EYA4: variants seen among roughly 807,000 people sequenced by gnomAD.
The protein encoded by EYA4 is EYA transcriptional coactivator and phosphatase 4.
Under a neutral mutation model 87.9 loss-of-function variants are expected in EYA4, and 31 were observed. The observed-to-expected ratio is 0.35, with a 90% CI of 0.27 to 0.48. The LOEUF is 0.48. EYA4 is among the 20% of genes least tolerant of loss of function. EYA4 has a pLI of 0.99. For missense variants in EYA4, 678 were observed against 761.4 expected (o/e 0.89, Z 1.29); for synonymous variants, 263 against 270.6 (o/e 0.97, Z 0.28).
intron 2 of EYA4, among the ~76,000 whole-genome samples, chr6:133,335,495 G>C (rs1475780143): frequency 6.6e-6 from 1 of 152,190 alleles, no homozygotes; most frequent in Admixed American, 6.5e-5. Context: ...CATGTTGCTT[G>C]CAATCAAGTT....
At chr6:133,478,329 C>T (rs1169721269) in intron 11 of EYA4, among the ~76,000 whole-genome samples, 1 of 152,064 alleles carries the variant, frequency 6.6e-6, no homozygotes, top group African/African-American at 2.4e-5. Context: ...GAATTAAGAG[C>T]TTGTATCCAC....
At chr6:133,244,207 T>A (rs1195506898) in intron 1 of EYA4, among the ~76,000 whole-genome samples, 4 of 152,206 alleles carry the variant, frequency 2.6e-5, no homozygotes, top group Non-Finnish European at 5.9e-5. Context: ...CTGAAAATAG[T>A]ATGTTTCAAT....
intron 2 of EYA4, among the ~76,000 whole-genome samples, chr6:133,307,287 A>G (rs1032744839): frequency 1.3e-5 from 2 of 152,240 alleles, no homozygotes; most frequent in African/African-American, 4.8e-5. Flanking sequence ...GAACTAAATC[A>G]GTGAAGTTAA....
chr6:133,510,538 G>T, intron 14 of EYA4: 2 of 254,328 alleles, frequency 7.9e-6, no homozygotes, highest in Admixed American at 8.8e-5. Context: ...TTTCCTTAAA[G>T]CCCAGTCCAG....
chr6:133,343,834 A>G (rs1487958431), intron 2 of EYA4, among the ~76,000 whole-genome samples: 10 of 152,100 alleles, frequency 6.6e-5, no homozygotes. Flanking sequence ...GTAAAAGTCC[A>G]CATAAGTGTT....
At chr6:133,273,170 C>T (rs892995946) in intron 1 of EYA4, among the ~76,000 whole-genome samples, 1 of 150,760 alleles carries the variant, frequency 6.6e-6, no homozygotes, top group Non-Finnish European at 1.5e-5. Flanking sequence ...TCACAATAGG[C>T]TGCTTGCAAG....
chr6:133,390,815 G>T (rs776138826), intron 3 of EYA4, among the ~76,000 whole-genome samples: 11 of 152,160 alleles, frequency 7.2e-5, no homozygotes, highest in South Asian at 2.1e-4. Context: ...TCATTAGAGG[G>T]ATAGAGGAGA....
intron 13 of EYA4, 122 bp downstream of exon 13, chr6:133,483,237 T>C: frequency 1.4e-6 from 1 of 712,768 alleles, no homozygotes; most frequent in Non-Finnish European, 2.4e-6. Context: ...AAATCTTCTC[T>C]TAATTATCTA....
intron 1 of EYA4, among the ~76,000 whole-genome samples, chr6:133,249,740 G>A (rs1774733290): frequency 6.6e-6 from 1 of 152,090 alleles, no homozygotes; most frequent in Non-Finnish European, 1.5e-5. Context: ...AATACTTAAG[G>A]TGCAAAATGT....
At chr6:133,288,090 C>G (rs542476931) in intron 2 of EYA4, among the ~76,000 whole-genome samples, 6 of 152,254 alleles carry the variant, frequency 3.9e-5, no homozygotes, top group African/African-American at 1.4e-4. Context: ...GATCATGCCA[C>G]TGCACTGCAC....
At chr6:133,458,608 A>G (rs1185337095) in intron 6 of EYA4, among the ~76,000 whole-genome samples, 2 of 152,148 alleles carry the variant, frequency 1.3e-5, no homozygotes, top group South Asian at 2.1e-4. Context: ...CATCTATCCC[A>G]GAATGCCAGC....
At chr6:133,254,856 A>T (rs1775212795) in intron 1 of EYA4, among the ~76,000 whole-genome samples, 1 of 152,196 alleles carries the variant, frequency 6.6e-6, no homozygotes, top group South Asian at 2.1e-4. Flanking sequence ...AGAAAAAGAG[A>T]ACTTCATGCT....
At chr6:133,319,777 T>C (rs1780928151) in intron 2 of EYA4, among the ~76,000 whole-genome samples, 2 of 151,460 alleles carry the variant, frequency 1.3e-5, no homozygotes, top group East Asian at 3.9e-4. Flanking sequence ...AGCACAGTGG[T>C]ACAATCAGAG....
chr6:133,445,048 A>G (rs756884330), intron 3 of EYA4, among the ~76,000 whole-genome samples: 16 of 152,026 alleles, frequency 1.1e-4, no homozygotes, highest in East Asian at 7.7e-4. Flanking sequence ...CTTGGGGTTA[A>G]TTGAATTCTT....
intron 18 of EYA4, chr6:133,524,925 G>A (rs938766543): frequency 9.4e-7 from 1 of 1,067,944 alleles, no homozygotes; most frequent in East Asian, 2.4e-5. Context: ...CAGTTCAAGT[G>A]ATGTTCAAGA....
chr6:133,311,975 A>G (rs1339923579), intron 2 of EYA4, among the ~76,000 whole-genome samples: 3 of 152,352 alleles, frequency 2.0e-5, no homozygotes, highest in South Asian at 4.1e-4. Flanking sequence ...TGTTAAAAGT[A>G]CAACACTGAT....
At chr6:133,505,228 A>G (rs1408629979) in intron 13 of EYA4, among the ~76,000 whole-genome samples, 2 of 152,044 alleles carry the variant, frequency 1.3e-5, no homozygotes, top group South Asian at 4.1e-4. Flanking sequence ...TCCCATCCCT[A>G]TCCCCAAATG....
At chr6:133,341,123 GAGA>G (rs1251997112) in intron 2 of EYA4, among the ~76,000 whole-genome samples, 1 of 152,188 alleles carries the variant, frequency 6.6e-6, no homozygotes, top group Non-Finnish European at 1.5e-5. Context: ...TGCATTTTAA[GAGA>G]AGATCTTCCA....
At chr6:133,495,176 G>A (rs1167241708) in intron 13 of EYA4, among the ~76,000 whole-genome samples, 2 of 151,978 alleles carry the variant, frequency 1.3e-5, no homozygotes, top group Middle Eastern at 3.2e-3. Context: ...GGCTGAGGCA[G>A]CAGAATCGCC....
Sources: allele counts gnomAD v4.1 joint callset (sites outside exome capture counted in the v4.1 genomes callset), GRCh38; gene constraint gnomAD v4.1.1; transcripts MANE v1.5; gene names NCBI Gene and HGNC (gene_info 2026-07-23, HGNC 2026-07-21).